BAHCC1: variants seen among roughly 807,000 people sequenced by gnomAD.
BAHCC1 encodes BAH domain and coiled-coil containing 1, also known as BAH and coiled-coil domain-containing protein 1.
Under a neutral mutation model 88.2 loss-of-function variants are expected in BAHCC1, and 43 were observed. That is an observed-to-expected ratio of 0.49 (90% CI 0.38 to 0.63). The LOEUF (loss-of-function observed/expected upper bound fraction) is 0.63. Ranked by LOEUF, BAHCC1 falls within the 20% of genes least tolerant of loss-of-function variation. BAHCC1 has a pLI of 0.00. For synonymous variants in BAHCC1, 1,510 were observed against 745.5 expected, an observed-to-expected ratio of 2.03 and a Z score of -16.71; for missense variants, 3,023 against 1,654.8, an observed-to-expected ratio of 1.83 and a Z score of -14.34.
intron 3 of BAHCC1, among the ~76,000 whole-genome samples, chr17:81,437,740 G>C (rs576914749): frequency 6.6e-6 from 1 of 152,322 alleles, no homozygotes; most frequent in East Asian, 1.9e-4. Flanking sequence ...CGGAGTCACC[G>C]CCTGGGGTTT....
At position 81,447,290 on chromosome 17, in the gene BAHCC1, G is replaced by T; in HGVS notation, c.3418G>T (p.Gly1140Ter). ...LAATPYPTER[G>*]PQGKAADPSP... ...CGCCACCCCCTACCCTACCGAGCGG[G>T]GACCCCAGGGGAAGGCAGCGGACCC... The change falls in exon 11 of 28, where the codon GGA becomes TGA. Residue 1140 changes from glycine to a stop codon, truncating the protein, a stop_gained. Coordinates refer to ENST00000675386, the MANE Select transcript of BAHCC1 (RefSeq NM_001377448.1). LOFTEE classifies it high-confidence loss of function. The T allele has an allele frequency of 1.4e-6, 1 of 731,752 alleles. No homozygotes were observed. The allele number at this position is 731,752 out of a possible 1,614,324, so 45.3% of individuals were successfully genotyped here.
At chr17:81,440,830 A>G (rs2064401870) in intron 4 of BAHCC1, among the ~76,000 whole-genome samples, 1 of 152,032 alleles carries the variant, frequency 6.6e-6, no homozygotes, top group African/African-American at 2.4e-5. Context: ...CCATTTCAAC[A>G]TATTACCCTA....
chr17:81,455,610 C>T (rs1234291463), intron 15 of BAHCC1, among the ~76,000 whole-genome samples: 1 of 152,208 alleles, frequency 6.6e-6, no homozygotes, highest in Non-Finnish European at 1.5e-5. Flanking sequence ...CACTTGCCCA[C>T]GTCACTCCAC....
rs572050494 is a variant in BAHCC1, at chr17:81,461,068, C to T, written c.6405C>T (p.Arg2135=). Reference sequence around the variant, plus strand: ...GCAGCAGCAAGAAGCTGCGGGCCCGCGAGGCCCTGTTCCCCGTGCACAGCG... The same window carrying T: ...GCAGCAGCAAGAAGCTGCGGGCCCGTGAGGCCCTGTTCCCCGTGCACAGCG... ...LNGSSKKLRA[R]EALFPVHSVA... The change falls in exon 26 of 28, where the codon CGC becomes CGT. Residue 2135 remains arginine, a synonymous_variant. Transcript: ENST00000675386. 7.8e-6 allele frequency: 6 copies of T among 770,376 alleles called. No individual in the cohort carries two copies. Among genetic ancestry groups the T allele is most frequent in the Non-Finnish European group, 9.6e-6 (4 of 416,866 alleles). 47.7% of individuals were successfully genotyped at this position (770,376 alleles called of 1,614,324 possible).
chr17:81,444,510 T>TC lies in BAHCC1; in HGVS notation c.2460dup (p.Trp821LeufsTer259). On this transcript the variant is annotated frameshift_variant, in exon 7 of 28. Coordinates refer to ENST00000675386, the MANE Select transcript of BAHCC1 (RefSeq NM_001377448.1). LOFTEE classifies it high-confidence loss of function. ...ACCCAGCCCCCCACACCCACCCCCA[T>TC]CCCCCCTGGCTGCCCCGCACCCGCA... 1 of 621,580 alleles carries TC rather than the reference T, an allele frequency of 1.6e-6. No individual in the cohort carries two copies. The allele number at this position is 621,580 out of a possible 1,614,324, so 38.5% of individuals were successfully genotyped here.
At chr17:81,447,901 C>G in intron 11 of BAHCC1, 53 bp downstream of exon 11, 1 of 708,204 alleles carries the variant, frequency 1.4e-6, no homozygotes, top group Non-Finnish European at 2.6e-6. Context: ...GGGACCCACA[C>G]GCCTGCCTCA....
In BAHCC1 at chr17:81,458,371, C is replaced by T. The variant is rs1280820275; in HGVS notation, c.5248C>T (p.Arg1750Trp). 5 of 724,144 alleles carry T rather than the reference C, an allele frequency of 6.9e-6. No individual in the cohort carries two copies. The East Asian group carries it at 1.0e-4, about 15-fold the overall frequency. 44.9% of individuals were successfully genotyped at this position (724,144 alleles called of 1,614,324 possible). A position where few individuals can be genotyped will look rare whatever the true frequency, so the allele number is the denominator to read the frequency against. ...PSRDALFNPS[R>W]AFACREEGSQ... ...CAGGGACGCCCTCTTCAACCCCTCT[C>T]GGGCCTTCGCCTGCCGTGAGGAGGG... Residue 1750 changes from arginine to tryptophan, a missense_variant, in exon 18 of 28, where the codon CGG (arginine) becomes TGG (tryptophan). By Grantham distance (101) the Arg-to-Trp change is moderately radical. Coordinates refer to ENST00000675386, the MANE Select transcript of BAHCC1 (RefSeq NM_001377448.1).
Position 81,445,475 on chromosome 17 carries a change from G to A in BAHCC1, c.2957G>A (p.Gly986Asp), listed in dbSNP as rs782122166. The A allele has an allele frequency of 4.0e-6, 3 of 752,876 alleles. No individual in the cohort carries two copies. Among genetic ancestry groups the A allele is most frequent in the South Asian group, 1.4e-5 (1 of 70,572 alleles). 46.6% of individuals were successfully genotyped at this position (752,876 alleles called of 1,614,324 possible). ...TAPGAPSPAAGPTKLPPCCHP... is the reference protein window; with the variant it reads ...TAPGAPSPAADPTKLPPCCHP... ...CCGGGCGCCCCCTCACCCGCTGCAG[G>A]CCCCACCAAGCTGCCACCTTGCTGC... Residue 986 changes from glycine (G) to aspartate (D), a missense_variant, in exon 10 of 28, where the codon GGC (glycine) becomes GAC (aspartate). Transcript: ENST00000675386.
chr17:81,399,506 C>A lies in BAHCC1; in HGVS notation c.-206-28C>A, dbSNP rs1293171440. 3.2e-6 allele frequency: 1 copy of A among 309,850 alleles called. No individual in the cohort carries two copies. Among genetic ancestry groups the A allele is most frequent in the Non-Finnish European group, 6.6e-6 (1 of 151,442 alleles). 19.2% of individuals were successfully genotyped at this position (309,850 alleles called of 1,614,324 possible). A position where few individuals can be genotyped will look rare whatever the true frequency, so the allele number is the denominator to read the frequency against. Reference sequence around the variant, plus strand: ...GGGCGAGCCGAGCCCCCCAGTCACCCGTGTCTCCTCTGCTTTTGCCTCCAC... The same window carrying A: ...GGGCGAGCCGAGCCCCCCAGTCACCAGTGTCTCCTCTGCTTTTGCCTCCAC... On this transcript the variant is annotated intron_variant, in intron 1 of 27. Transcript: ENST00000675386. This position sits in a 1 kb window ranked among gnomAD's most constrained non-coding sequence, Gnocchi z 4.5.
chr17:81,440,458 T>G (rs1284421952), intron 4 of BAHCC1, among the ~76,000 whole-genome samples: 1 of 152,246 alleles, frequency 6.6e-6, no homozygotes, highest in Non-Finnish European at 1.5e-5. Flanking sequence ...AGCAGGAAAT[T>G]GACAAGGAAT....
chr17:81,435,347 G>A lies in BAHCC1; in HGVS notation c.359-3023G>A, dbSNP rs74002270. On this transcript the variant is annotated intron_variant, in intron 3 of 27. Coordinates refer to ENST00000675386, the MANE Select transcript of BAHCC1 (RefSeq NM_001377448.1). The surrounding 1 kb of genome is among the most constrained non-coding windows in gnomAD (Gnocchi z 4.4). ...TCTGTCCCATCACAGGACTGAGTTT[G>A]GAGTCTCCTGCCCACCGCAGTAGCA... is the stretch of plus-strand genomic sequence containing the variant. The A allele has an allele frequency of 0.016, 7,228 of 439,300 alleles. 297 individuals carry two copies. The highest frequency in any genetic ancestry group is 0.11 in the African/African-American group (5,296 of 49,572). 27.2% of individuals were successfully genotyped at this position (439,300 alleles called of 1,614,324 possible).
chr17:81,428,807 A>C (rs1437182822), intron 3 of BAHCC1, among the ~76,000 whole-genome samples: 2 of 151,982 alleles, frequency 1.3e-5, no homozygotes, highest in Non-Finnish European at 2.9e-5. Context: ...GACCCCCACC[A>C]CTTCTCAGCC....
In BAHCC1 at chr17:81,456,348, G is replaced by A. The variant is rs1215510398; in HGVS notation, c.4621G>A (p.Val1541Met). 2.8e-6 allele frequency: 2 copies of A among 722,394 alleles called. No individual in the cohort carries two copies. Among genetic ancestry groups the A allele is most frequent in the Non-Finnish European group, 5.1e-6 (2 of 388,876 alleles). 44.7% of individuals were successfully genotyped at this position (722,394 alleles called of 1,614,324 possible). A position where few individuals can be genotyped will look rare whatever the true frequency, so the allele number is the denominator to read the frequency against. ...SSCQGGLAPS[V>M]AHRVAQLKPK... Reference sequence around the variant, plus strand: ...CTGTCAGGGCGGGCTGGCGCCCTCCGTGGCCCACAGGGTGGCCCAGCTGAA... The same window carrying A: ...CTGTCAGGGCGGGCTGGCGCCCTCCATGGCCCACAGGGTGGCCCAGCTGAA... Residue 1541 changes from valine (V) to methionine (M), a missense_variant, in exon 16 of 28, where the codon GTG (valine) becomes ATG (methionine). Transcript: ENST00000675386.
intron 11 of BAHCC1, among the ~76,000 whole-genome samples, chr17:81,450,922 C>G (rs777121445): frequency 1.3e-5 from 2 of 152,148 alleles, no homozygotes; most frequent in African/African-American, 4.8e-5. Context: ...TTAAAGGTAT[C>G]GAGGGGACTT....
rs142046347 is a variant in BAHCC1 at position 81,421,841 on chromosome 17, G to T, written c.179-4959G>T. Reference sequence around the variant, plus strand: ...CCAGTCCCTTGGGGGGGATGGTAGGGTCTCTCATGGTAGGCTCAGTACGCA... The same window carrying T: ...CCAGTCCCTTGGGGGGGATGGTAGGTTCTCTCATGGTAGGCTCAGTACGCA... On this transcript the variant is annotated intron_variant, in intron 2 of 27. Coordinates refer to ENST00000675386, the MANE Select transcript of BAHCC1 (RefSeq NM_001377448.1). 124 of 226,810 alleles carry T rather than the reference G, an allele frequency of 5.5e-4. 1 individual carries two copies. Among genetic ancestry groups the T allele is most frequent in the African/African-American group, 2.9e-3 (121 of 42,304 alleles). 14.0% of individuals were successfully genotyped at this position (226,810 alleles called of 1,614,324 possible).
At chr17:81,407,500 G>A in intron 2 of BAHCC1, 1 of 445,866 alleles carries the variant, frequency 2.2e-6, no homozygotes, top group Non-Finnish European at 4.5e-6. Context: ...GGGTGAGAGT[G>A]AGCAGATCCA....
chr17:81,460,027 C>A (rs543315704), intron 23 of BAHCC1, among the ~76,000 whole-genome samples: 1 of 151,914 alleles, frequency 6.6e-6, no homozygotes, highest in Non-Finnish European at 1.5e-5. Context: ...GGCACGTGGG[C>A]GTCAGCACGT....
At position 81,462,754 on chromosome 17, in the gene BAHCC1, G is replaced by C. The variant is rs1555659860; in HGVS notation, c.7398G>C (p.Lys2466Asn). ...SGNPTQRRGM[K>N]GKARKLFYKA... ...GTCCCCCACAGCGGCGTGGCATGAA[G>C]GGGAAGGCCCGGAAGCTGTTCTACA... The change falls in exon 27 of 28, where the codon AAG (lysine) becomes AAC (asparagine). Residue 2466 changes from lysine to asparagine, a missense_variant. By Grantham distance (94) the Lys-to-Asn change is moderately conservative (BLOSUM62 0). Coordinates refer to ENST00000675386, the MANE Select transcript of BAHCC1 (RefSeq NM_001377448.1). 2.6e-6 allele frequency: 2 copies of C among 763,952 alleles called. No homozygotes were observed. 47.3% of individuals were successfully genotyped at this position (763,952 alleles called of 1,614,324 possible).
chr17:81,397,436 A>G (rs1250676383), intron 1 of BAHCC1, among the ~76,000 whole-genome samples: 2 of 150,182 alleles, frequency 1.3e-5, no homozygotes, highest in African/African-American at 4.9e-5. Flanking sequence ...AAAGCACAGC[A>G]CACACGACTC....
Sources: gnomAD v4.1 joint callset for allele counts (sites outside exome capture counted in the v4.1 genomes callset) on GRCh38, gnomAD v4.1.1 for gene constraint, Gnocchi (gnomAD v3.1) non-coding constraint, MANE v1.5 for transcripts, NCBI Gene and HGNC (gene_info 2026-07-23, HGNC 2026-07-21) for gene names.